Variants in SH3BGRL2 observed in about 807,000 individuals in gnomAD.
SH3BGRL2 encodes the protein SH3 domain-binding glutamic acid-rich-like protein 2.
Under a neutral mutation model 14.8 loss-of-function variants are expected in SH3BGRL2, and 21 were observed. The ratio of observed to expected loss-of-function variants is 1.42; its 90% CI spans 1.01 to 2.05. The LOEUF (loss-of-function observed/expected upper bound fraction) is 2.05, where lower values mean the gene tolerates loss of function less well. SH3BGRL2 is among the 30% of genes most tolerant of loss of function. The probability of loss-of-function intolerance (pLI) is 0.00; values close to 1 mark genes in which losing one functional copy is unlikely to be tolerated. For missense variants in SH3BGRL2, 147 were observed against 130.8 expected, an observed-to-expected ratio of 1.12 and a Z score of -0.61; for synonymous variants, 50 against 47.8, an observed-to-expected ratio of 1.05 and a Z score of -0.19.
chr6:79,659,631 G>A (rs1769499665), intron 1 of SH3BGRL2, among the ~76,000 whole-genome samples: 2 of 152,054 alleles, frequency 1.3e-5, no homozygotes, highest in Non-Finnish European at 2.9e-5. Context: ...GTTCTTTTTT[G>A]GTTCCGTATG....
chr6:79,598,895 C>A, the SH3BGRL2 span, among the ~76,000 whole-genome samples: 1 of 151,730 alleles, frequency 6.6e-6, no homozygotes, highest in African/African-American at 2.4e-5. Flanking sequence ...CCAGCCTGAC[C>A]AACATGGAGA....
the SH3BGRL2 span, among the ~76,000 whole-genome samples, chr6:79,597,290 G>T: frequency 8.6e-6 from 1 of 116,616 alleles, no homozygotes; most frequent in Non-Finnish European, 2.0e-5. Context: ...GAGAAAGAAA[G>T]AGAGAAAGAG....
intron 1 of SH3BGRL2, 93 bp downstream of exon 1, chr6:79,631,599 C>CAG: frequency 9.4e-7 from 1 of 1,069,102 alleles, no homozygotes; most frequent in Non-Finnish European, 1.2e-6. Context: ...TCCTTGCGCT[C>CAG]AGCCGGTCCG....
the SH3BGRL2 span, among the ~76,000 whole-genome samples, chr6:79,538,350 C>T: frequency 5.9e-5 from 9 of 152,248 alleles, no homozygotes; most frequent in East Asian, 7.7e-4. Context: ...ATTCCTGCTT[C>T]TCGCTCAACC....
intron 1 of SH3BGRL2, among the ~76,000 whole-genome samples, chr6:79,660,541 C>T (rs945458699): frequency 6.6e-6 from 1 of 152,068 alleles, no homozygotes; most frequent in African/African-American, 2.4e-5. Context: ...TTCAGTTTCC[C>T]AGTATTTTAT....
chr6:79,644,624 A>C (rs1248849418), intron 1 of SH3BGRL2, among the ~76,000 whole-genome samples: 1 of 152,108 alleles, frequency 6.6e-6, no homozygotes, highest in Non-Finnish European at 1.5e-5. Context: ...GGGCAGGAAG[A>C]CCTGGATTTG....
At chr6:79,658,370 C>A (rs963539091) in intron 1 of SH3BGRL2, among the ~76,000 whole-genome samples, 8 of 152,148 alleles carry the variant, frequency 5.3e-5, no homozygotes, top group African/African-American at 1.7e-4. Flanking sequence ...TCAGTTCCCA[C>A]CTATGAGTGA....
intron 1 of SH3BGRL2, among the ~76,000 whole-genome samples, chr6:79,651,626 T>G (rs1769297912): frequency 6.6e-6 from 1 of 152,188 alleles, no homozygotes; most frequent in Non-Finnish European, 1.5e-5. Context: ...CTGCTGGGTA[T>G]AAGCAGCCCC....
At chr6:79,636,204 G>T (rs1264887059) in intron 1 of SH3BGRL2, among the ~76,000 whole-genome samples, 2 of 152,174 alleles carry the variant, frequency 1.3e-5, no homozygotes, top group Non-Finnish European at 2.9e-5. Flanking sequence ...ATACTCAGGT[G>T]GGGGGACCTT....
the SH3BGRL2 span, among the ~76,000 whole-genome samples, chr6:79,538,018 GTTT>G: frequency 1.2e-3 from 55 of 44,146 alleles, no homozygotes; most frequent in Admixed American, 3.0e-3. Flanking sequence ...TTGCACACAA[GTTT>G]TTTTTTTTTT....
the SH3BGRL2 span, among the ~76,000 whole-genome samples, chr6:79,620,540 T>G: frequency 6.6e-6 from 1 of 151,580 alleles, no homozygotes; most frequent in Non-Finnish European, 1.5e-5. Flanking sequence ...CTTTGGAGAG[T>G]CCTGTGTGAG....
chr6:79,665,520 G>A (rs1769639891), intron 1 of SH3BGRL2, among the ~76,000 whole-genome samples: 1 of 151,994 alleles, frequency 6.6e-6, no homozygotes, highest in South Asian at 2.1e-4. Context: ...AATTTCAAAT[G>A]GGAAAGATGA....
chr6:79,573,268 C>T, the SH3BGRL2 span, among the ~76,000 whole-genome samples: 1 of 152,172 alleles, frequency 6.6e-6, no homozygotes, highest in South Asian at 2.1e-4. Context: ...CCCTACTGAT[C>T]TGCAATGCCA....
At chr6:79,557,276 A>G in the SH3BGRL2 span, among the ~76,000 whole-genome samples, 1 of 151,750 alleles carries the variant, frequency 6.6e-6, no homozygotes, top group African/African-American at 2.4e-5. Flanking sequence ...TATAGATCAT[A>G]AAATTATTAG....
the SH3BGRL2 span, among the ~76,000 whole-genome samples, chr6:79,582,440 A>G: frequency 2.0e-5 from 3 of 152,208 alleles, no homozygotes; most frequent in Non-Finnish European, 4.4e-5. Context: ...AAACAGATAT[A>G]TAGAACAATG....
the SH3BGRL2 span, among the ~76,000 whole-genome samples, chr6:79,543,257 T>G: frequency 1.3e-5 from 2 of 152,212 alleles, no homozygotes; most frequent in African/African-American, 4.8e-5. Context: ...GATGAGATAT[T>G]TCACCTTTTT....
chr6:79,549,936 T>A, the SH3BGRL2 span, among the ~76,000 whole-genome samples: 2 of 152,186 alleles, frequency 1.3e-5, no homozygotes, highest in Non-Finnish European at 2.9e-5. Context: ...TCATTTCAAT[T>A]TTTTGTTTTA....
the SH3BGRL2 span, among the ~76,000 whole-genome samples, chr6:79,583,007 A>G: frequency 6.6e-6 from 1 of 152,262 alleles, no homozygotes; most frequent in Non-Finnish European, 1.5e-5. Flanking sequence ...GAAGACATCT[A>G]TGCAGCCAAC....
At chr6:79,554,025 T>A in the SH3BGRL2 span, among the ~76,000 whole-genome samples, 4 of 152,046 alleles carry the variant, frequency 2.6e-5, no homozygotes, top group East Asian at 1.9e-4. Context: ...CCCCATTTTT[T>A]AAGGACTCTT....
Sources: gnomAD v4.1 joint callset for allele counts (sites outside exome capture counted in the v4.1 genomes callset) on GRCh38, gnomAD v4.1.1 for gene constraint, MANE v1.5 for transcripts, NCBI Gene and HGNC (gene_info 2026-07-23, HGNC 2026-07-21) for gene names.